The following METTL14 variants were observed in gnomAD, a reference collection of about 807,000 sequenced individuals.
METTL14 encodes the protein methyltransferase 14, N6-adenosine-methyltransferase non-catalytic subunit, also known as N(6)-adenosine-methyltransferase non-catalytic subunit METTL14.
A neutral mutation model predicts 62.4 loss-of-function variants in METTL14; 32 were observed. The observed-to-expected ratio is 0.51, with a 90% confidence interval of 0.39 to 0.69. METTL14 has a LOEUF of 0.69. Among genes scored for constraint, METTL14 ranks in the 30% least tolerant of loss-of-function variants. The probability of loss-of-function intolerance (pLI) is 0.00; values close to 1 mark genes in which losing one functional copy is unlikely to be tolerated. For synonymous variants in METTL14, 150 were observed against 180.0 expected, an observed-to-expected ratio of 0.83 and a Z score of 1.34; for missense variants, 340 against 551.9, an observed-to-expected ratio of 0.62 and a Z score of 3.85.
At chr4:118,705,948 G>A (rs1391686196) in intron 10 of METTL14, 127 bp downstream of exon 10, 2 of 786,720 alleles carry the variant, frequency 2.5e-6, no homozygotes, top group Admixed American at 5.3e-5. Context: ...CTTCAAATAT[G>A]AACAGTTTCA....
intron 7 of METTL14, among the ~76,000 whole-genome samples, chr4:118,699,869 A>G (rs980020602): frequency 6.6e-6 from 1 of 152,202 alleles, no homozygotes; most frequent in Non-Finnish European, 1.5e-5. Context: ...AGGAAGTGCC[A>G]GTAGTTAATG....
chr4:118,698,817 ACT>A (rs1247061017), intron 7 of METTL14, among the ~76,000 whole-genome samples: 2 of 152,068 alleles, frequency 1.3e-5, no homozygotes, highest in African/African-American at 2.4e-5. Context: ...AAAATATGAA[ACT>A]CTAAGGACAG....
chr4:118,689,857 C>T (rs1724190709), intron 3 of METTL14, among the ~76,000 whole-genome samples: 2 of 151,678 alleles, frequency 1.3e-5, no homozygotes, highest in African/African-American at 2.4e-5. Flanking sequence ...CCAGGATGGT[C>T]TTGATCTCTT....
Position 118,714,983 on chromosome 4 carries a change from A to T in METTL14, c.*4681A>T, listed in dbSNP as rs569418440. 3.3e-5 allele frequency: 5 copies of T among 152,384 alleles called. No individual in the cohort carries two copies. The South Asian group carries it at 1.0e-3, about 32-fold the overall frequency. 9.4% of individuals were successfully genotyped at this position (152,384 alleles called of 1,614,324 possible). A position where few individuals can be genotyped will look rare whatever the true frequency, so the allele number is the denominator to read the frequency against. Reference sequence around the variant, plus strand: ...AAAAAGGTTACTTGCTTGAGACAGGAAACTATCACCTTTGAAAGCATATTA... The same window carrying T: ...AAAAAGGTTACTTGCTTGAGACAGGTAACTATCACCTTTGAAAGCATATTA... On this transcript the variant is annotated 3_prime_UTR_variant, in exon 11 of 11. Coordinates refer to ENST00000388822, the MANE Select transcript of METTL14 (RefSeq NM_020961.4).
At chr4:118,699,774 T>A (rs1724532539) in intron 7 of METTL14, among the ~76,000 whole-genome samples, 1 of 152,198 alleles carries the variant, frequency 6.6e-6, no homozygotes, top group Non-Finnish European at 1.5e-5. Context: ...AATTTCACTG[T>A]ACTTCAACTC....
At chr4:118,693,042 A>G (rs1724301429) in intron 5 of METTL14, among the ~76,000 whole-genome samples, 1 of 152,124 alleles carries the variant, frequency 6.6e-6, no homozygotes, top group Admixed American at 6.6e-5. Context: ...GCTATTGTAT[A>G]TGTTTACCTT....
intron 9 of METTL14, 119 bp downstream of exon 9, chr4:118,704,170 G>T: frequency 1.6e-6 from 1 of 638,424 alleles, no homozygotes; most frequent in Non-Finnish European, 2.7e-6. Flanking sequence ...GACTTGTAAA[G>T]ACAGCATTGA....
chr4:118,698,801 A>G (rs1235247419), intron 7 of METTL14, among the ~76,000 whole-genome samples: 26 of 152,190 alleles, frequency 1.7e-4, no homozygotes, highest in Admixed American at 1.7e-3. Flanking sequence ...AAGAGGTCAT[A>G]GGAATAAAAT....
At chr4:118,692,520 A>G (rs606665) in intron 5 of METTL14, among the ~76,000 whole-genome samples, 99,622 of 151,974 alleles carry the variant, frequency 0.66, 33,610 homozygotes, top group Non-Finnish European at 0.73. Context: ...TGCCTGCCTC[A>G]GCCTCCCAAA....
Position 118,685,619 on chromosome 4 carries a change from C to T in METTL14, c.66+19C>T, listed in dbSNP as rs746209314. On this transcript the variant is annotated intron_variant, in intron 1 of 10. Coordinates refer to ENST00000388822, the MANE Select transcript of METTL14 (RefSeq NM_020961.4). ...GCAGCAGGTCCGCGGCCCTGGTGTC[C>T]CCTGTGGGAGGGATCGAGAATGCGA... 9 of 1,612,866 alleles carry T rather than the reference C, an allele frequency of 5.6e-6. No individual in the cohort carries two copies. Among genetic ancestry groups the T allele is most frequent in the Admixed American group, 1.7e-5 (1 of 59,958 alleles).
chr4:118,696,656 T>C (rs1238913299), intron 6 of METTL14, among the ~76,000 whole-genome samples: 1 of 152,182 alleles, frequency 6.6e-6, no homozygotes, highest in East Asian at 1.9e-4. Flanking sequence ...TAATAACTTA[T>C]ATTAGGTAGC....
Position 118,697,981 on chromosome 4 carries a change from G to T in METTL14, c.645+658G>T, listed in dbSNP as rs984652255. 3.9e-5 allele frequency among the ~76,000 whole-genome samples: 6 copies of T among 152,072 alleles called. No individual in the cohort carries two copies. The South Asian group carries it at 1.0e-3, about 26-fold the overall frequency. ...TGGAGGCAAACGACTATCTGGTTGTGGGGTGGAGGTCCTGTATGTAGGTTG... is the reference window on the plus strand; with the variant it reads ...TGGAGGCAAACGACTATCTGGTTGTTGGGTGGAGGTCCTGTATGTAGGTTG... On this transcript the variant is annotated intron_variant, in intron 7 of 10. Coordinates refer to ENST00000388822, the MANE Select transcript of METTL14 (RefSeq NM_020961.4).
intron 1 of METTL14, among the ~76,000 whole-genome samples, chr4:118,687,580 C>A (rs1724108332): frequency 6.6e-6 from 1 of 152,152 alleles, no homozygotes; most frequent in East Asian, 1.9e-4. Context: ...AATATTGTAA[C>A]TTGAAAACAC....
intron 1 of METTL14, among the ~76,000 whole-genome samples, chr4:118,686,123 T>C (rs1428193683): frequency 6.6e-6 from 1 of 152,242 alleles, no homozygotes; most frequent in Non-Finnish European, 1.5e-5. Flanking sequence ...ATATTTGAAA[T>C]CTTACTCTGT....
At position 118,714,635 on chromosome 4, in the gene METTL14, G is replaced by T. The variant is rs1725005194; in HGVS notation, c.*4333G>T. The T allele has an allele frequency of 6.6e-6, 1 of 152,122 alleles. No homozygotes were observed. Among genetic ancestry groups the T allele is most frequent in the East Asian group, 1.9e-4 (1 of 5,198 alleles). 9.4% of individuals were successfully genotyped at this position (152,122 alleles called of 1,614,324 possible). The stretch of plus-strand genomic sequence containing the variant: ...AGACAGAGTCTCTGTTACCCAGGCT[G>T]GGGGGCAGTGATAAGATCTTGGCTC... On this transcript the variant is annotated 3_prime_UTR_variant, in exon 11 of 11. Coordinates refer to ENST00000388822, the MANE Select transcript of METTL14 (RefSeq NM_020961.4).
At chr4:118,709,918 G>A in intron 10 of METTL14, 80 bp from the exon 11 acceptor site, 1 of 1,337,916 alleles carries the variant, frequency 7.5e-7, no homozygotes, top group South Asian at 1.4e-5. Flanking sequence ...AGAATGCATT[G>A]GGGATTTGAA....
chr4:118,687,556 C>T (rs540546019), intron 1 of METTL14, among the ~76,000 whole-genome samples: 3 of 152,232 alleles, frequency 2.0e-5, no homozygotes, highest in Non-Finnish European at 2.9e-5. Flanking sequence ...CTGATAAACC[C>T]ATCATAAGTG....
In METTL14 at chr4:118,691,106, C is replaced by CT. The variant is rs33920104; in HGVS notation, c.244-416dup. Among the ~76,000 whole-genome samples, 27 of 148,154 alleles carry CT rather than the reference C, an allele frequency of 1.8e-4. 1 individual carries two copies. The East Asian group carries it at 3.4e-3, about 18-fold the overall frequency. On this transcript the variant is annotated intron_variant, in intron 3 of 10. Coordinates refer to ENST00000388822, the MANE Select transcript of METTL14 (RefSeq NM_020961.4). Reference sequence around the variant, plus strand: ...TAATATGTAACTTAAATGTTTGTGACTTTTTTTTTTATTAATTAAAATGTT... The same window carrying CT: ...TAATATGTAACTTAAATGTTTGTGACTTTTTTTTTTTATTAATTAAAATGTT...
intron 6 of METTL14, among the ~76,000 whole-genome samples, chr4:118,696,117 CAAAAAAAA>C (rs70941201): frequency 5.5e-3 from 187 of 33,900 alleles, no homozygotes; most frequent in African/African-American, 0.026. Context: ...GACTCTGTCT[CAAAAAAAA>C]AAAAAAAAAA....
Sources: allele counts gnomAD v4.1 joint callset (sites outside exome capture counted in the v4.1 genomes callset), GRCh38; gene constraint gnomAD v4.1.1; transcripts MANE v1.5; gene names NCBI Gene and HGNC (gene_info 2026-07-23, HGNC 2026-07-21).